YJU2B: variants seen among roughly 807,000 people sequenced by gnomAD.
YJU2B encodes the protein probable splicing factor YJU2B.
Under a neutral mutation model 38.0 loss-of-function variants are expected in YJU2B, and 18 were observed. That is an observed-to-expected ratio of 0.47 (90% confidence interval 0.33 to 0.70). YJU2B has a LOEUF of 0.70. Ranked by LOEUF, YJU2B falls within the 30% of genes least tolerant of loss-of-function variation. The pLI, the probability that YJU2B is intolerant of heterozygous loss-of-function variation, is 0.02. For missense variants in YJU2B, 538 were observed against 556.3 expected, an observed-to-expected ratio of 0.97 and a Z score of 0.33; for synonymous variants, 246 against 225.4, an observed-to-expected ratio of 1.09 and a Z score of -0.82.
intron 1 of YJU2B, among the ~76,000 whole-genome samples, chr19:13,748,963 T>C (rs1344071465): frequency 6.6e-6 from 1 of 152,224 alleles, no homozygotes; most frequent in African/African-American, 2.4e-5. Flanking sequence ...ACCACCTCAC[T>C]ACACCACTCC....
intron 1 of YJU2B, among the ~76,000 whole-genome samples, chr19:13,751,007 T>A (rs984286318): frequency 6.6e-6 from 1 of 151,976 alleles, no homozygotes; most frequent in Non-Finnish European, 1.5e-5. Flanking sequence ...GGGTAAGAGT[T>A]AGGCTTGGAG....
chr19:13,757,554 A>G, intron 5 of YJU2B, 81 bp downstream of exon 5: 1 of 977,242 alleles, frequency 1.0e-6, no homozygotes, highest in Non-Finnish European at 1.6e-6. Context: ...TGGGGGTGGG[A>G]GGGTCCTGAT....
At position 13,762,354 on chromosome 19, in the gene YJU2B, A is replaced by G. The variant is rs756850959; in HGVS notation, c.629A>G (p.Lys210Arg). 6.2e-7 allele frequency: 1 copy of G among 1,613,964 alleles called. No individual in the cohort carries two copies. ...EEERDQALQAKASLTIPLVPE... is the reference protein window; with the variant it reads ...EEERDQALQARASLTIPLVPE... The stretch of plus-strand genomic sequence containing the variant: ...GAGAGAGACCAGGCCTTGCAGGCCA[A>G]GGCGAGCCTGACCATCCCGCTGGTG... Residue 210 changes from lysine (K) to arginine (R), a missense_variant, in exon 9 of 10, where the codon AAG (lysine) becomes AGG (arginine). By Grantham distance (26) the Lys-to-Arg change is conservative. Transcript: ENST00000221554.
intron 1 of YJU2B, among the ~76,000 whole-genome samples, chr19:13,750,647 G>A (rs1973422949): frequency 6.6e-6 from 1 of 151,808 alleles, no homozygotes; most frequent in Non-Finnish European, 1.5e-5. Context: ...ATCACCTCAG[G>A]CCAGGAGTTC....
chr19:13,733,008 C>A (rs1368664230), intron 2 of YJU2B, among the ~76,000 whole-genome samples: 1 of 151,200 alleles, frequency 6.6e-6, no homozygotes, highest in African/African-American at 2.4e-5. Context: ...CGGCTCACTG[C>A]AAGCTCTGCC....
Position 13,749,486 on chromosome 19 carries a change from G to C in YJU2B, c.-202+1532G>C, listed in dbSNP as rs145857480. ...GATTTCTAGCTATGAAAGCAGAGTT[G>C]AGTTGTTGGGGCAGAGATAATCTGG... On this transcript the variant is annotated intron_variant, in intron 1 of 9. Coordinates refer to ENST00000221554, the MANE Select transcript of YJU2B (RefSeq NM_030818.4). Among the ~76,000 whole-genome samples, 145 of 152,290 alleles carry C rather than the reference G, an allele frequency of 9.5e-4. 1 individual carries two copies. Among genetic ancestry groups the C allele is most frequent in the African/African-American group, 2.4e-3 (101 of 41,568 alleles).
chr19:13,740,539 G>T (rs1465307584), intron 2 of YJU2B, among the ~76,000 whole-genome samples: 1 of 150,922 alleles, frequency 6.6e-6, no homozygotes, highest in African/African-American at 2.4e-5. Context: ...TTTTTTGTTT[G>T]TTTGTTTGTT....
chr19:13,736,135 G>A (rs528679604), intron 2 of YJU2B, among the ~76,000 whole-genome samples: 1 of 151,796 alleles, frequency 6.6e-6, no homozygotes, highest in East Asian at 1.9e-4. Context: ...GAATATCCAA[G>A]TAAATTATAG....
At position 13,756,156 on chromosome 19, in the gene YJU2B, A is replaced by G. The variant is rs538508463; in HGVS notation, c.58-41A>G. ...GTGGCAGAAAATTGTGAGCTCCTCC[A>G]GCTCAGCAGCACTAATCCGCTCCTC... On this transcript the variant is annotated intron_variant, in intron 3 of 9. Coordinates refer to ENST00000221554, the MANE Select transcript of YJU2B (RefSeq NM_030818.4). 9.4e-5 allele frequency: 145 copies of G among 1,544,102 alleles called. 1 individual carries two copies. The South Asian group carries it at 1.5e-3, about 16-fold the overall frequency.
At chr19:13,747,616 G>C (rs577206231), upstream of YJU2B, among the ~76,000 whole-genome samples, 1 of 152,220 alleles carries the variant, frequency 6.6e-6, no homozygotes, top group African/African-American at 2.4e-5. Flanking sequence ...GACTACAGGG[G>C]CCCGCCACCA....
At position 13,763,176 on chromosome 19, in the gene YJU2B, A is replaced by C; in HGVS notation, c.*108A>C. 1.1e-6 allele frequency: 1 copy of C among 875,024 alleles called. No homozygotes were observed. The highest frequency in any genetic ancestry group is 1.7e-6 in the Non-Finnish European group (1 of 581,124). The allele number at this position is 875,024 out of a possible 1,614,324, so 54.2% of individuals were successfully genotyped here. On this transcript the variant is annotated 3_prime_UTR_variant, in exon 10 of 10. Coordinates refer to ENST00000221554, the MANE Select transcript of YJU2B (RefSeq NM_030818.4). ...TCGCCCACCAGCCCTGGGAGAGCTC[A>C]GATGCCGCATCCTCCCCAGACCGCG... is the stretch of plus-strand genomic sequence containing the variant.
At chr19:13,734,653 A>G (rs1382824297) in intron 2 of YJU2B, among the ~76,000 whole-genome samples, 1 of 152,016 alleles carries the variant, frequency 6.6e-6, no homozygotes, top group African/African-American at 2.4e-5. Context: ...CAGTGCTGCA[A>G]ACATAGCTCA....
intron 2 of YJU2B, among the ~76,000 whole-genome samples, chr19:13,733,614 G>A (rs1001493012): frequency 6.6e-6 from 1 of 152,102 alleles, no homozygotes; most frequent in Non-Finnish European, 1.5e-5. Flanking sequence ...CCAGCTACTC[G>A]GGAGGCTGAA....
At chr19:13,746,906 C>CA (rs961303804), upstream of YJU2B, among the ~76,000 whole-genome samples, 1,300 of 142,276 alleles carry the variant, frequency 9.1e-3, 7 homozygotes, top group East Asian at 0.022. Flanking sequence ...GACTCCCTCT[C>CA]AAAAAAAAAA....
intron 3 of YJU2B, among the ~76,000 whole-genome samples, chr19:13,755,245 C>A (rs366449): frequency 6.6e-6 from 1 of 151,052 alleles, no homozygotes; most frequent in African/African-American, 2.4e-5. Context: ...GGTGGATCAC[C>A]AGGTCGAGAG....
At chr19:13,752,397 T>G (rs1381357159) in intron 2 of YJU2B, among the ~76,000 whole-genome samples, 1 of 151,544 alleles carries the variant, frequency 6.6e-6, no homozygotes, top group Non-Finnish European at 1.5e-5. Context: ...CATTTAAGAT[T>G]AGGAGTTTGA....
intron 3 of YJU2B, among the ~76,000 whole-genome samples, chr19:13,754,928 A>G (rs564394373): frequency 3.9e-5 from 6 of 152,204 alleles, no homozygotes; most frequent in Admixed American, 1.3e-4. Flanking sequence ...TAAGGGCCCA[A>G]GTGTCCCAGC....
At chr19:13,744,589 C>T (rs573879574), upstream of YJU2B, among the ~76,000 whole-genome samples, 1 of 152,254 alleles carries the variant, frequency 6.6e-6, no homozygotes, top group South Asian at 2.1e-4. Flanking sequence ...CAGAAATTTC[C>T]TTTGTTTCCA....
At chr19:13,754,754 G>A (rs539632806) in intron 3 of YJU2B, among the ~76,000 whole-genome samples, 6 of 152,184 alleles carry the variant, frequency 3.9e-5, no homozygotes, top group African/African-American at 1.4e-4. Flanking sequence ...CTCGTTCTCT[G>A]TTGCATTGCT....
Sources: allele counts gnomAD v4.1 joint callset (sites outside exome capture counted in the v4.1 genomes callset), GRCh38; gene constraint gnomAD v4.1.1; transcripts MANE v1.5; gene names NCBI Gene and HGNC (gene_info 2026-07-23, HGNC 2026-07-21).